RTN3: variants seen among roughly 807,000 people sequenced by gnomAD.
RTN3 encodes reticulon-3.
A neutral mutation model predicts 77.8 loss-of-function variants in RTN3; 49 were observed. The observed-to-expected ratio is 0.63, with a 90% CI of 0.50 to 0.80. The LOEUF is 0.80. RTN3 is among the 30% of genes least tolerant of loss of function. RTN3 has a pLI of 0.00. For missense variants in RTN3, 1,236 were observed against 1,211.9 expected, an observed-to-expected ratio of 1.02 and a Z score of -0.29; for synonymous variants, 464 against 446.9, an observed-to-expected ratio of 1.04 and a Z score of -0.48.
rs767802030 is a variant in RTN3, at chr11:63,719,143, C to G, written c.641C>G (p.Pro214Arg). ...ACTTTGCTGACAGCCCAGAAACCAC[C>G]TACTGAGTACTCTAAGGTAGAAGGC... is the stretch of plus-strand genomic sequence containing the variant. The part of the protein sequence containing the change: ...RFTLLTAQKP[P>R]TEYSKVEGIY... Residue 214 changes from proline (P) to arginine (R), a missense_variant, in exon 3 of 9, where the codon CCT (proline) becomes CGT (arginine). Coordinates refer to ENST00000377819, the MANE Select transcript of RTN3 (RefSeq NM_001265589.2). 14 of 1,614,044 alleles carry G rather than the reference C, an allele frequency of 8.7e-6. No homozygotes were observed. The African/African-American group carries it at 1.5e-4, about 17-fold the overall frequency.
chr11:63,683,574 A>G (rs919255624), intron 1 of RTN3, among the ~76,000 whole-genome samples: 2 of 152,202 alleles, frequency 1.3e-5, no homozygotes, highest in South Asian at 2.1e-4. Context: ...TCATTCTTTT[A>G]ATGCACTTAT....
At chr11:63,733,410 A>G (rs1210172920) in intron 3 of RTN3, among the ~76,000 whole-genome samples, 2 of 151,232 alleles carry the variant, frequency 1.3e-5, no homozygotes, top group Non-Finnish European at 3.0e-5. Flanking sequence ...AATCGCTTGA[A>G]CTCAGGAGGT....
At chr11:63,752,249 A>G (rs572519068) in intron 4 of RTN3, among the ~76,000 whole-genome samples, 4 of 151,872 alleles carry the variant, frequency 2.6e-5, no homozygotes, top group South Asian at 2.1e-4. Flanking sequence ...TGAATATCCA[A>G]TGAGGTAGTA....
intron 2 of RTN3, among the ~76,000 whole-genome samples, chr11:63,710,475 T>G (rs181381116): frequency 6.6e-6 from 1 of 152,306 alleles, no homozygotes; most frequent in East Asian, 1.9e-4. Context: ...AGATGTGTTT[T>G]TTTCCTTATT....
chr11:63,749,743 A>G (rs957587868), intron 3 of RTN3, among the ~76,000 whole-genome samples: 2 of 152,168 alleles, frequency 1.3e-5, no homozygotes, highest in Admixed American at 6.5e-5. Context: ...TTCTCTTAGA[A>G]CCAAGTACAG....
Position 63,732,395 on chromosome 11 carries a change from G to A in RTN3, c.2530+11363G>A, listed in dbSNP as rs116033529. 9.6e-3 allele frequency among the ~76,000 whole-genome samples: 1,459 copies of A among 151,516 alleles called. 15 individuals carry two copies. The highest frequency in any genetic ancestry group is 0.033 in the African/African-American group (1,366 of 41,306). On this transcript the variant is annotated intron_variant, in intron 3 of 8. Coordinates refer to ENST00000377819, the MANE Select transcript of RTN3 (RefSeq NM_001265589.2). ...GTCTCATGTTGCTCGGGCTGGTCTC[G>A]AACTCCTGGCCTCAAGTGATCCTCC...
chr11:63,696,949 A>G (rs1228420711), intron 1 of RTN3, among the ~76,000 whole-genome samples: 1 of 118,564 alleles, frequency 8.4e-6, no homozygotes, highest in Non-Finnish European at 1.6e-5. Context: ...CAGTGGCGTG[A>G]TCTTGGCTCA....
chr11:63,693,037 T>A (rs1007040416), intron 1 of RTN3, among the ~76,000 whole-genome samples: 4 of 152,098 alleles, frequency 2.6e-5, no homozygotes, highest in Non-Finnish European at 1.5e-5. Context: ...GGCTTCTCGA[T>A]GTGCTGGGAT....
chr11:63,681,797 C>G lies in RTN3; in HGVS notation c.142+19C>G. ...TGTGCGGGTAAGGCGCGCGGGGAGC[C>G]CCCGCCCTGGGAAAGAGGGCGAGCG... On this transcript the variant is annotated intron_variant, in intron 1 of 8. Transcript: ENST00000377819. 1 of 1,540,900 alleles carries G rather than the reference C, an allele frequency of 6.5e-7. No individual in the cohort carries two copies. The highest frequency in any genetic ancestry group is 8.7e-7 in the Non-Finnish European group (1 of 1,149,576).
intron 3 of RTN3, among the ~76,000 whole-genome samples, chr11:63,737,307 A>G (rs1372187391): frequency 6.6e-6 from 1 of 152,200 alleles, no homozygotes; most frequent in African/African-American, 2.4e-5. Context: ...TACACTAACC[A>G]TAAAATTAAA....
chr11:63,691,114 CTTTTTTTTTTTTT>C (rs796809025), intron 1 of RTN3, among the ~76,000 whole-genome samples: 1 of 91,878 alleles, frequency 1.1e-5, no homozygotes, highest in Non-Finnish European at 2.1e-5. Flanking sequence ...ATTGCTAATT[CTTTTTTTTTTTTT>C]TTTTTTTTTT....
chr11:63,706,750 A>C (rs1173183801), intron 2 of RTN3, among the ~76,000 whole-genome samples: 2 of 152,206 alleles, frequency 1.3e-5, no homozygotes, highest in African/African-American at 2.4e-5. Flanking sequence ...TCATGAGAAA[A>C]TAATTTAAGC....
At chr11:63,713,879 C>A in intron 2 of RTN3, 1 of 346,902 alleles carries the variant, frequency 2.9e-6, no homozygotes, top group Non-Finnish European at 5.8e-6. Flanking sequence ...ATAAAATAAT[C>A]CAGATTTATT....
chr11:63,693,855 C>T (rs747314597), intron 1 of RTN3, among the ~76,000 whole-genome samples: 1 of 152,178 alleles, frequency 6.6e-6, no homozygotes, highest in Non-Finnish European at 1.5e-5. Flanking sequence ...GGCACAGTGG[C>T]TCATGCCTGT....
Position 63,752,656 on chromosome 11 carries a change from T to C in RTN3, c.2877+11T>C. The C allele has an allele frequency of 6.2e-7, 1 of 1,613,350 alleles. No homozygotes were observed. The highest frequency in any genetic ancestry group is 1.1e-5 in the South Asian group (1 of 90,926). ...GTTGACTCCTTGAAGGTTAGTTGTT[T>C]CTGCAGCTCTTGGTGGTAAAACAGA... is the stretch of plus-strand genomic sequence containing the variant. On this transcript the variant is annotated intron_variant, in intron 5 of 8. Transcript: ENST00000377819.
At chr11:63,691,519 A>G (rs1297887522) in intron 1 of RTN3, among the ~76,000 whole-genome samples, 1 of 151,996 alleles carries the variant, frequency 6.6e-6, no homozygotes, top group Admixed American at 6.6e-5. Flanking sequence ...AGCCTCTCAA[A>G]GTGCTGGGAT....
intron 3 of RTN3, among the ~76,000 whole-genome samples, chr11:63,728,886 CAAAA>C (rs577443067): frequency 3.8e-5 from 3 of 78,662 alleles, no homozygotes; most frequent in Non-Finnish European, 5.1e-5. Flanking sequence ...GACTCCGTCT[CAAAA>C]AAAAAAAAAA....
At chr11:63,734,960 G>A (rs539390961) in intron 3 of RTN3, among the ~76,000 whole-genome samples, 20 of 152,208 alleles carry the variant, frequency 1.3e-4, no homozygotes, top group African/African-American at 4.3e-4. Flanking sequence ...GCAGGATTGC[G>A]GGATAGATAT....
intron 3 of RTN3, among the ~76,000 whole-genome samples, chr11:63,733,108 A>C (rs1400482420): frequency 6.6e-6 from 1 of 151,712 alleles, no homozygotes; most frequent in African/African-American, 2.4e-5. Context: ...TGAGGTCAAG[A>C]GTTCAAAACC....
Sources: allele counts gnomAD v4.1 joint callset (sites outside exome capture counted in the v4.1 genomes callset), GRCh38; gene constraint gnomAD v4.1.1; transcripts MANE v1.5; gene names NCBI Gene and HGNC (gene_info 2026-07-23, HGNC 2026-07-21).